AQP9: variants seen among roughly 807,000 people sequenced by gnomAD.
AQP9 encodes the protein aquaporin 9, also known as aquaporin-9.
A neutral mutation model predicts 23.8 loss-of-function variants in AQP9; 19 were observed. The ratio of observed to expected loss-of-function variants is 0.80; its 90% CI spans 0.56 to 1.17. AQP9 has a LOEUF of 1.17. Among genes scored for constraint, AQP9 ranks in the 50% most tolerant of loss-of-function variants. The pLI, the probability that AQP9 is intolerant of heterozygous loss-of-function variation, is 0.00. For missense variants in AQP9, 413 were observed against 362.0 expected, an observed-to-expected ratio of 1.14 and a Z score of -1.14; for synonymous variants, 153 against 131.5, an observed-to-expected ratio of 1.16 and a Z score of -1.12.
At chr15:58,170,831 T>G (rs1032076878) in intron 2 of AQP9, among the ~76,000 whole-genome samples, 1 of 152,260 alleles carries the variant, frequency 6.6e-6, no homozygotes, top group South Asian at 2.1e-4. Context: ...TATGGGAAAT[T>G]TTATTTTGGA....
chr15:58,152,899 T>C (rs1449944991), intron 1 of AQP9: 1 of 152,214 alleles, frequency 6.6e-6, no homozygotes, highest in East Asian at 1.9e-4. Flanking sequence ...CCTGATCTAT[T>C]GTAGAGTTCT....
At chr15:58,145,319 A>T (rs1898025644) in intron 1 of AQP9, among the ~76,000 whole-genome samples, 1 of 152,012 alleles carries the variant, frequency 6.6e-6, no homozygotes, top group African/African-American at 2.4e-5. Context: ...CCTGGCCAAC[A>T]TGGTGAAACC....
At chr15:58,151,282 C>A (rs1898143183) in intron 1 of AQP9, 1 of 152,268 alleles carries the variant, frequency 6.6e-6, no homozygotes, top group African/African-American at 2.4e-5. Context: ...ATCTCCAACA[C>A]ATACAGCCTA....
In AQP9 at chr15:58,185,545, A is replaced by G. The variant is rs1899010851; in HGVS notation, c.*1410A>G. 6.6e-6 allele frequency: 1 copy of G among 152,326 alleles called. No homozygotes were observed. 9.4% of individuals were successfully genotyped at this position (152,326 alleles called of 1,614,324 possible). A position where few individuals can be genotyped will look rare whatever the true frequency, so the allele number is the denominator to read the frequency against. On this transcript the variant is annotated 3_prime_UTR_variant, in exon 6 of 6. Coordinates refer to ENST00000219919, the MANE Select transcript of AQP9 (RefSeq NM_020980.5). Reference sequence around the variant, plus strand: ...TCCTAAGCCACCTCTGGTCTTGCTAAGTCTTGATCTTGCTTCCTGCCAGCA... The same window carrying G: ...TCCTAAGCCACCTCTGGTCTTGCTAGGTCTTGATCTTGCTTCCTGCCAGCA...
chr15:58,181,073 A>T (rs566885917), intron 5 of AQP9, among the ~76,000 whole-genome samples: 1 of 152,260 alleles, frequency 6.6e-6, no homozygotes, highest in South Asian at 2.1e-4. Context: ...CTCCTTGGTG[A>T]TTCATTCAAA....
At chr15:58,169,660 G>T (rs1898578895) in intron 2 of AQP9, among the ~76,000 whole-genome samples, 1 of 152,152 alleles carries the variant, frequency 6.6e-6, no homozygotes, top group Non-Finnish European at 1.5e-5. Context: ...GACTAGTGAG[G>T]TCAGCAGATA....
At chr15:58,175,566 A>G (rs57558739) in intron 4 of AQP9, among the ~76,000 whole-genome samples, 2,026 of 152,340 alleles carry the variant, frequency 0.013, 43 homozygotes, top group African/African-American at 0.045. Flanking sequence ...GGTGTAACCA[A>G]TAGCACACCT....
chr15:58,154,314 C>T (rs1898204851), intron 1 of AQP9: 1 of 152,088 alleles, frequency 6.6e-6, no homozygotes, highest in Non-Finnish European at 1.5e-5. Context: ...CCTCCATTAC[C>T]ATACCTGCCC....
chr15:58,172,839 A>G (rs186544247), intron 2 of AQP9, among the ~76,000 whole-genome samples: 6 of 152,290 alleles, frequency 3.9e-5, no homozygotes, highest in Admixed American at 2.6e-4. Context: ...CTTTTCATCA[A>G]GATAAACATT....
chr15:58,147,111 C>A (rs1898061470), intron 1 of AQP9, among the ~76,000 whole-genome samples: 1 of 152,142 alleles, frequency 6.6e-6, no homozygotes, highest in Non-Finnish European at 1.5e-5. Flanking sequence ...ACTCCTGGAG[C>A]CAAACTTGAT....
chr15:58,181,969 A>G (rs1284210007), intron 5 of AQP9, among the ~76,000 whole-genome samples: 1 of 151,864 alleles, frequency 6.6e-6, no homozygotes. Context: ...TAGATATCCT[A>G]GCTTGGACCT....
chr15:58,183,999 C>T lies in AQP9; in HGVS notation c.752C>T (p.Pro251Leu). Residue 251 changes from proline to leucine, a missense_variant, in exon 6 of 6, where the codon CCT (proline) becomes CTT (leucine). Transcript: ENST00000219919. ...TTCTGGTGGATTCCTGTAGTGGGCC[C>T]TTTGGTTGGTGCTGTCATTGGAGGC... ...NNFWWIPVVG[P>L]LVGAVIGGLI... The T allele has an allele frequency of 1.2e-6, 2 of 1,614,076 alleles. No individual in the cohort carries two copies. Among genetic ancestry groups the T allele is most frequent in the South Asian group, 2.2e-5 (2 of 91,076 alleles).
rs530320852 is a variant in AQP9, at chr15:58,173,182, C to T, written c.353C>T (p.Ala118Val). 1 of 1,614,144 alleles carries T rather than the reference C, an allele frequency of 6.2e-7. No individual in the cohort carries two copies. Among genetic ancestry groups the T allele is most frequent in the South Asian group, 1.1e-5 (1 of 91,080 alleles). Reference sequence around the variant, plus strand: ...TTCTTGGGAGCCTTTGTGGGGGCTGCAACCGTCTTTGGCATTTACTATGGT... The same window carrying T: ...TTCTTGGGAGCCTTTGTGGGGGCTGTAACCGTCTTTGGCATTTACTATGGT... ...AQFLGAFVGAATVFGIYYDGL... is the reference protein window; with the variant it reads ...AQFLGAFVGAVTVFGIYYDGL... The change falls in exon 3 of 6, where the codon GCA becomes GTA. Residue 118 changes from alanine (A) to valine (V), a missense_variant. Coordinates refer to ENST00000219919, the MANE Select transcript of AQP9 (RefSeq NM_020980.5).
At chr15:58,173,029 C>G in intron 2 of AQP9, 39 bp from the exon 3 acceptor site, 1 of 1,612,522 alleles carries the variant, frequency 6.2e-7, no homozygotes, top group Non-Finnish European at 8.5e-7. Flanking sequence ...TATTCTTCTT[C>G]CTAACCTGCC....
At chr15:58,180,522 A>C (rs1252066243) in intron 5 of AQP9, among the ~76,000 whole-genome samples, 1 of 152,208 alleles carries the variant, frequency 6.6e-6, no homozygotes, top group East Asian at 1.9e-4. Context: ...AGAAAGGCTC[A>C]ATAAAAAGGT....
At chr15:58,162,791 T>C (rs1287781244) in intron 1 of AQP9, among the ~76,000 whole-genome samples, 1 of 152,166 alleles carries the variant, frequency 6.6e-6, no homozygotes, top group Non-Finnish European at 1.5e-5. Context: ...GTGAGATGCA[T>C]GAATATGCAA....
intron 1 of AQP9, among the ~76,000 whole-genome samples, chr15:58,161,822 A>T (rs1434505795): frequency 2.0e-5 from 3 of 152,308 alleles, no homozygotes; most frequent in African/African-American, 7.2e-5. Context: ...CATATGATTC[A>T]AATCTGGCAC....
At position 58,145,897 on chromosome 15, in the gene AQP9, G is replaced by A. The variant is rs1370768569; in HGVS notation, c.111+7221G>A. On this transcript the variant is annotated intron_variant, in intron 1 of 5. Coordinates refer to ENST00000219919, the MANE Select transcript of AQP9 (RefSeq NM_020980.5). The stretch of plus-strand genomic sequence containing the variant: ...CTCAAGGTTGAATGATAAATTAGCT[G>A]ATACATTTTAGGTTGATAATTATTT... Among the ~76,000 whole-genome samples, 3 of 152,260 alleles carry A rather than the reference G, an allele frequency of 2.0e-5. No homozygotes were observed. The East Asian group carries it at 5.8e-4, about 29-fold the overall frequency.
Position 58,182,020 on chromosome 15 carries a change from C to A in AQP9, c.714-1941C>A, listed in dbSNP as rs536789067. ...GAAAAAAAACAAGGCTACCTTGTTC[C>A]CAGGTCCCCATGTACTCCTGAACGG... On this transcript the variant is annotated intron_variant, in intron 5 of 5. Coordinates refer to ENST00000219919, the MANE Select transcript of AQP9 (RefSeq NM_020980.5). 1.1e-3 allele frequency among the ~76,000 whole-genome samples: 166 copies of A among 152,174 alleles called. 1 individual carries two copies. The highest frequency in any genetic ancestry group is 3.6e-3 in the African/African-American group (151 of 41,532).
Sources: allele counts gnomAD v4.1 joint callset (sites outside exome capture counted in the v4.1 genomes callset), GRCh38; gene constraint gnomAD v4.1.1; transcripts MANE v1.5; gene names NCBI Gene and HGNC (gene_info 2026-07-23, HGNC 2026-07-21).